Variants in EEFSEC observed in about 807,000 individuals in gnomAD.
EEFSEC encodes selenocysteine-specific elongation factor.
A neutral mutation model predicts 42.1 loss-of-function variants in EEFSEC; 43 were observed. That is an observed-to-expected ratio of 1.02 (90% CI 0.80 to 1.32). EEFSEC has a LOEUF of 1.32. Ranked by LOEUF, EEFSEC falls within the 40% of genes most tolerant of loss-of-function variation. The pLI is 0.00. For synonymous variants in EEFSEC, 354 were observed against 339.1 expected, an observed-to-expected ratio of 1.04 and a Z score of -0.48; for missense variants, 745 against 803.6, an observed-to-expected ratio of 0.93 and a Z score of 0.88.
intron 1 of EEFSEC, among the ~76,000 whole-genome samples, chr3:128,162,692 G>T (rs2065202429): frequency 6.6e-6 from 1 of 152,168 alleles, no homozygotes; most frequent in African/African-American, 2.4e-5. Context: ...TTCTGTTGGG[G>T]TACATTTTTC....
At chr3:128,167,809 C>A (rs935781551) in intron 1 of EEFSEC, among the ~76,000 whole-genome samples, 1 of 152,216 alleles carries the variant, frequency 6.6e-6, no homozygotes, top group African/African-American at 2.4e-5. Flanking sequence ...CCTCCCAGAT[C>A]GTATATTTTC....
intron 5 of EEFSEC, among the ~76,000 whole-genome samples, chr3:128,343,462 G>C (rs541635003): frequency 1.7e-4 from 26 of 152,126 alleles, no homozygotes; most frequent in Admixed American, 7.2e-4. Flanking sequence ...GCTCCGGGGG[G>C]GCCGCTGGGG....
chr3:128,190,487 G>A (rs925670078), intron 1 of EEFSEC, among the ~76,000 whole-genome samples: 6 of 152,214 alleles, frequency 3.9e-5, no homozygotes, highest in Non-Finnish European at 7.3e-5. Context: ...TTATACAGCT[G>A]TACAGTGTGT....
At chr3:128,390,381 A>C (rs2067893899) in intron 6 of EEFSEC, among the ~76,000 whole-genome samples, 1 of 152,248 alleles carries the variant, frequency 6.6e-6, no homozygotes, top group South Asian at 2.1e-4. Flanking sequence ...GGAGGGGTGC[A>C]TGTGGGGAAG....
chr3:128,357,504 A>G (rs992682870), intron 5 of EEFSEC, among the ~76,000 whole-genome samples: 1 of 152,190 alleles, frequency 6.6e-6, no homozygotes, highest in Non-Finnish European at 1.5e-5. Context: ...GGAGGGTGTC[A>G]TGGAGGTAGG....
At chr3:128,253,803 G>C (rs1448289250) in intron 2 of EEFSEC, among the ~76,000 whole-genome samples, 1 of 152,140 alleles carries the variant, frequency 6.6e-6, no homozygotes, top group African/African-American at 2.4e-5. Context: ...AGCTACTCTA[G>C]AACTGATTGA....
At chr3:128,330,103 C>A (rs1375671267) in intron 4 of EEFSEC, among the ~76,000 whole-genome samples, 1 of 152,200 alleles carries the variant, frequency 6.6e-6, no homozygotes, top group Non-Finnish European at 1.5e-5. Context: ...ACAGAAGAAT[C>A]CAGCATTGCT....
intron 1 of EEFSEC, among the ~76,000 whole-genome samples, chr3:128,212,954 G>A (rs898418746): frequency 3.3e-5 from 5 of 152,232 alleles, no homozygotes; most frequent in African/African-American, 1.2e-4. Context: ...CCGGGGAGCA[G>A]CAGTCCTCTG....
chr3:128,254,055 C>T (rs1186018651), intron 2 of EEFSEC, among the ~76,000 whole-genome samples: 1 of 152,224 alleles, frequency 6.6e-6, no homozygotes, highest in East Asian at 1.9e-4. Context: ...GAATTAAGCT[C>T]CTCCCAACTG....
At chr3:128,256,635 T>C (rs1471263755) in intron 2 of EEFSEC, among the ~76,000 whole-genome samples, 1 of 152,176 alleles carries the variant, frequency 6.6e-6, no homozygotes, top group African/African-American at 2.4e-5. Flanking sequence ...TGAAGAATGT[T>C]TGGTTTTTGT....
chr3:128,384,291 C>T (rs16844363), intron 6 of EEFSEC, among the ~76,000 whole-genome samples: 57 of 152,330 alleles, frequency 3.7e-4, no homozygotes, highest in African/African-American at 1.3e-3. Context: ...GAACCAGATA[C>T]CTAAATGCTG....
chr3:128,177,743 T>TA (rs1292773954), intron 1 of EEFSEC, among the ~76,000 whole-genome samples: 1 of 152,154 alleles, frequency 6.6e-6, no homozygotes, highest in Non-Finnish European at 1.5e-5. Flanking sequence ...AAGTGAGAAA[T>TA]AGCTGTGAGT....
At chr3:128,194,582 G>A (rs2107807931) in intron 1 of EEFSEC, among the ~76,000 whole-genome samples, 1 of 152,306 alleles carries the variant, frequency 6.6e-6, no homozygotes, top group Non-Finnish European at 1.5e-5. Context: ...ATGAGCCAGA[G>A]CTTTATGCAC....
At chr3:128,238,749 C>T (rs1205830987) in intron 1 of EEFSEC, among the ~76,000 whole-genome samples, 1 of 152,234 alleles carries the variant, frequency 6.6e-6, no homozygotes, top group African/African-American at 2.4e-5. Flanking sequence ...TTCAGCCTCC[C>T]AAAGTGTGTA....
chr3:128,191,760 C>T (rs2107804460), intron 1 of EEFSEC, among the ~76,000 whole-genome samples: 1 of 152,294 alleles, frequency 6.6e-6, no homozygotes, highest in African/African-American at 2.4e-5. Context: ...CCTCAAGGTT[C>T]ATCCACGTTG....
At chr3:128,386,896 C>G (rs1337206640) in intron 6 of EEFSEC, among the ~76,000 whole-genome samples, 1 of 152,222 alleles carries the variant, frequency 6.6e-6, no homozygotes, top group Non-Finnish European at 1.5e-5. Flanking sequence ...TCCCCCGAGG[C>G]CCACCTCCAA....
At chr3:128,389,907 T>C (rs552604375) in intron 6 of EEFSEC, among the ~76,000 whole-genome samples, 4 of 152,274 alleles carry the variant, frequency 2.6e-5, no homozygotes, top group African/African-American at 9.6e-5. Context: ...CTTCTTTCCA[T>C]GTTGGTAGCA....
chr3:128,351,529 A>G (rs1007433358), intron 5 of EEFSEC, among the ~76,000 whole-genome samples: 61 of 152,322 alleles, frequency 4.0e-4, no homozygotes, highest in African/African-American at 1.2e-3. Flanking sequence ...CAGACCTGGA[A>G]TCGGCACAGG....
chr3:128,194,610 C>G (rs2065562174), intron 1 of EEFSEC, among the ~76,000 whole-genome samples: 1 of 152,126 alleles, frequency 6.6e-6, no homozygotes, highest in African/African-American at 2.4e-5. Flanking sequence ...TTCTTCACAG[C>G]ATTATTTATA....
Sources: gnomAD v4.1 joint callset for allele counts (sites outside exome capture counted in the v4.1 genomes callset) on GRCh38, gnomAD v4.1.1 for gene constraint, MANE v1.5 for transcripts, NCBI Gene and HGNC (gene_info 2026-07-23, HGNC 2026-07-21) for gene names.